KLHL1: variants seen among roughly 807,000 people sequenced by gnomAD.
KLHL1 encodes kelch-like protein 1.
Under a neutral mutation model 77.7 loss-of-function variants are expected in KLHL1, and 47 were observed. That is an observed-to-expected ratio of 0.60 (90% CI 0.48 to 0.77). KLHL1 has a LOEUF of 0.77. Among genes scored for constraint, KLHL1 ranks in the 30% least tolerant of loss-of-function variants. The pLI is 0.00. For missense variants in KLHL1, 925 were observed against 910.8 expected (o/e 1.02, Z -0.20); for synonymous variants, 360 against 325.2 (o/e 1.11, Z -1.15).
intron 1 of KLHL1, among the ~76,000 whole-genome samples, chr13:70,007,317 C>T (rs1361062491): frequency 6.6e-6 from 1 of 151,830 alleles, no homozygotes; most frequent in East Asian, 1.9e-4. Flanking sequence ...TTTTATTCTG[C>T]TCAAAATACA....
intron 8 of KLHL1, among the ~76,000 whole-genome samples, chr13:69,725,498 C>T (rs1873252822): frequency 6.6e-6 from 1 of 152,046 alleles, no homozygotes; most frequent in Admixed American, 6.6e-5. Context: ...GCTGGAAAGT[C>T]TTGTCTTTAT....
At chr13:69,915,130 G>A (rs1297814544) in intron 4 of KLHL1, among the ~76,000 whole-genome samples, 2 of 152,112 alleles carry the variant, frequency 1.3e-5, no homozygotes, top group East Asian at 3.9e-4. Flanking sequence ...ATGCTCATGG[G>A]TAGGAAGAAT....
intron 6 of KLHL1, among the ~76,000 whole-genome samples, chr13:69,830,963 A>T (rs972451019): frequency 1.3e-5 from 2 of 149,846 alleles, no homozygotes; most frequent in Admixed American, 1.3e-4. Flanking sequence ...GATAAAAGGA[A>T]AGTTCATAGT....
intron 1 of KLHL1, among the ~76,000 whole-genome samples, chr13:69,991,531 T>C (rs1042539396): frequency 3.3e-5 from 5 of 151,846 alleles, no homozygotes; most frequent in South Asian, 4.1e-4. Context: ...AAATAACCAT[T>C]AGAGACTGCT....
chr13:69,987,819 T>C (rs1419246382), intron 1 of KLHL1, among the ~76,000 whole-genome samples: 1 of 152,038 alleles, frequency 6.6e-6, no homozygotes, highest in Non-Finnish European at 1.5e-5. Context: ...TATACATATA[T>C]AGGTATCCTT....
At chr13:69,893,424 C>T (rs1429847194) in intron 4 of KLHL1, among the ~76,000 whole-genome samples, 1 of 151,738 alleles carries the variant, frequency 6.6e-6, no homozygotes, top group Non-Finnish European at 1.5e-5. Context: ...TTAGTAGAGA[C>T]GGGGTTTCAC....
At chr13:69,928,393 G>A (rs77499526) in intron 4 of KLHL1, among the ~76,000 whole-genome samples, 2,776 of 152,222 alleles carry the variant, frequency 0.018, 82 homozygotes, top group African/African-American at 0.062. Flanking sequence ...TATGTCAGCC[G>A]TATGAATAAA....
intron 1 of KLHL1, among the ~76,000 whole-genome samples, chr13:70,043,895 C>A (rs1201614650): frequency 1.3e-5 from 2 of 152,328 alleles, no homozygotes; most frequent in Non-Finnish European, 1.5e-5. Flanking sequence ...AACTCCACCA[C>A]TTCTAATCTG....
intron 5 of KLHL1, among the ~76,000 whole-genome samples, chr13:69,876,991 TG>T (rs370971557): frequency 2.6e-5 from 4 of 152,106 alleles, no homozygotes; most frequent in African/African-American, 9.6e-5. Context: ...GAGCCAAGAC[TG>T]TGCCACTGCA....
At chr13:69,909,117 A>G (rs1882146768) in intron 4 of KLHL1, among the ~76,000 whole-genome samples, 1 of 150,570 alleles carries the variant, frequency 6.6e-6, no homozygotes, top group Non-Finnish European at 1.5e-5. Flanking sequence ...TTATATTAAT[A>G]GAATTCTATG....
At chr13:69,863,125 A>G (rs181738991) in intron 5 of KLHL1, among the ~76,000 whole-genome samples, 2 of 152,206 alleles carry the variant, frequency 1.3e-5, no homozygotes, top group Non-Finnish European at 2.9e-5. Flanking sequence ...CTTCTATAAC[A>G]TTCATGGTAA....
intron 7 of KLHL1, among the ~76,000 whole-genome samples, chr13:69,743,836 A>G (rs1874089823): frequency 6.6e-6 from 1 of 151,682 alleles, no homozygotes; most frequent in African/African-American, 2.4e-5. Flanking sequence ...AAAAAAAAAA[A>G]AACAGAAGAA....
intron 6 of KLHL1, among the ~76,000 whole-genome samples, chr13:69,820,153 C>T (rs1159234703): frequency 6.6e-6 from 1 of 152,132 alleles, no homozygotes; most frequent in Non-Finnish European, 1.5e-5. Flanking sequence ...TTCTATTTCT[C>T]TATATCAAAC....
intron 10 of KLHL1, among the ~76,000 whole-genome samples, chr13:69,703,469 A>C (rs576200778): frequency 6.6e-6 from 1 of 151,648 alleles, no homozygotes; most frequent in Non-Finnish European, 1.5e-5. Context: ...AATTACAGTA[A>C]GCTAAGGTTA....
chr13:69,977,889 GAC>G (rs1884593107), intron 1 of KLHL1, among the ~76,000 whole-genome samples: 1 of 152,072 alleles, frequency 6.6e-6, no homozygotes, highest in Non-Finnish European at 1.5e-5. Flanking sequence ...CGAAAAAATT[GAC>G]AGAGAAGCTT....
At chr13:69,815,276 C>T (rs1170811308) in intron 6 of KLHL1, among the ~76,000 whole-genome samples, 5 of 152,112 alleles carry the variant, frequency 3.3e-5, no homozygotes, top group African/African-American at 9.7e-5. Context: ...CAGCACTATT[C>T]GCAATAGCAA....
At chr13:69,977,867 A>C (rs1208362127) in intron 1 of KLHL1, among the ~76,000 whole-genome samples, 1 of 152,198 alleles carries the variant, frequency 6.6e-6, no homozygotes, top group Non-Finnish European at 1.5e-5. Context: ...GTGTTTGTGC[A>C]CATAGAAAAT....
At chr13:69,997,660 A>C (rs940172591) in intron 1 of KLHL1, among the ~76,000 whole-genome samples, 1 of 128,712 alleles carries the variant, frequency 7.8e-6, no homozygotes, top group African/African-American at 2.9e-5. Flanking sequence ...CTGACTAAAT[A>C]ATATATTATA....
At chr13:70,075,627 T>TAC (rs71116986) in intron 1 of KLHL1, among the ~76,000 whole-genome samples, 7 of 133,922 alleles carry the variant, frequency 5.2e-5, no homozygotes, top group African/African-American at 1.9e-4. Flanking sequence ...CATATATATA[T>TAC]GTATATATAT....
Sources: gnomAD v4.1 joint callset for allele counts (sites outside exome capture counted in the v4.1 genomes callset) on GRCh38, gnomAD v4.1.1 for gene constraint, MANE v1.5 for transcripts, NCBI Gene and HGNC (gene_info 2026-07-23, HGNC 2026-07-21) for gene names.